The following LRRC37A2 variants were observed in gnomAD, a reference collection of about 807,000 sequenced individuals.
The protein encoded by LRRC37A2 is leucine-rich repeat-containing protein 37A2.
In LRRC37A2, 9 loss-of-function variants were observed where a neutral mutation model predicts 68.8. The ratio of observed to expected loss-of-function variants is 0.13; its 90% confidence interval spans 0.08 to 0.23. The LOEUF (loss-of-function observed/expected upper bound fraction) is 0.23, where lower values mean the gene tolerates loss of function less well. LRRC37A2 is among the 10% of genes least tolerant of loss of function. The pLI, the probability that LRRC37A2 is intolerant of heterozygous loss-of-function variation, is 1.00. For synonymous variants in LRRC37A2, 63 were observed against 367.6 expected, an observed-to-expected ratio of 0.17 and a Z score of 9.48; for missense variants, 168 against 950.4, an observed-to-expected ratio of 0.18 and a Z score of 10.82.
chr17:46,829,193 G>A, the LRRC37A2 span, among the ~76,000 whole-genome samples: 1 of 151,846 alleles, frequency 6.6e-6, no homozygotes, highest in Admixed American at 6.6e-5. Flanking sequence ...TTTAGACAGA[G>A]TTTCACTCTT....
chr17:46,876,396 C>T, the LRRC37A2 span: 6 of 1,613,802 alleles, frequency 3.7e-6, no homozygotes, highest in Admixed American at 3.3e-5. Flanking sequence ...GTGTCCAGTG[C>T]CACCAATGAG....
chr17:47,009,857 A>G, the LRRC37A2 span, among the ~76,000 whole-genome samples: 1 of 152,240 alleles, frequency 6.6e-6, no homozygotes, highest in African/African-American at 2.4e-5. Context: ...AGAGTGGGCC[A>G]GCAGTAACAA....
At chr17:46,930,667 T>A in the LRRC37A2 span, 8 of 146,692 alleles carry the variant, frequency 5.5e-5, no homozygotes, top group Non-Finnish European at 7.4e-5. Flanking sequence ...TTTTTTTAAA[T>A]AAAAAAAAAA....
At chr17:46,475,823 A>C in the LRRC37A2 span, among the ~76,000 whole-genome samples, 4 of 92,634 alleles carry the variant, frequency 4.3e-5, no homozygotes, top group South Asian at 5.1e-4. Context: ...AAAAAAAAAA[A>C]AAAACACCCT....
the LRRC37A2 span, among the ~76,000 whole-genome samples, chr17:46,440,526 G>A: frequency 4.9e-4 from 8 of 16,484 alleles, no homozygotes; most frequent in South Asian, 7.4e-3. Context: ...GAGTGCAGTC[G>A]TGTGATCTCA....
At chr17:47,010,979 T>A in the LRRC37A2 span, among the ~76,000 whole-genome samples, 1 of 152,126 alleles carries the variant, frequency 6.6e-6, no homozygotes, top group African/African-American at 2.4e-5. Flanking sequence ...TTTGCTAAAT[T>A]TTATCAGCTC....
chr17:46,900,166 TAC>T, the LRRC37A2 span, among the ~76,000 whole-genome samples: 4,833 of 20,616 alleles, frequency 0.23, 107 homozygotes, highest in Middle Eastern at 0.38. Flanking sequence ...TATATACATA[TAC>T]ATATATATAT....
chr17:46,580,400 T>C, the LRRC37A2 span, among the ~76,000 whole-genome samples: 1 of 151,040 alleles, frequency 6.6e-6, no homozygotes, highest in Non-Finnish European at 1.5e-5. Flanking sequence ...AAACATCTAT[T>C]AAACATATAC....
the LRRC37A2 span, among the ~76,000 whole-genome samples, chr17:46,828,228 A>G: frequency 6.7e-6 from 1 of 149,768 alleles, no homozygotes; most frequent in East Asian, 2.0e-4. Context: ...ACAGCGTCTC[A>G]CTCTGTCACT....
chr17:46,969,813 G>A, the LRRC37A2 span, among the ~76,000 whole-genome samples: 4 of 152,266 alleles, frequency 2.6e-5, no homozygotes, highest in South Asian at 8.3e-4. Flanking sequence ...AAGGCATGAG[G>A]TCCCCCAACT....
At chr17:46,767,931 G>C in the LRRC37A2 span, among the ~76,000 whole-genome samples, 1 of 152,112 alleles carries the variant, frequency 6.6e-6, no homozygotes, top group African/African-American at 2.4e-5. Context: ...TGGGATTACA[G>C]GCACCTGCCA....
chr17:46,497,701 TATGTAGATGTATATCTACATAC>T, the LRRC37A2 span, among the ~76,000 whole-genome samples: 1 of 149,108 alleles, frequency 6.7e-6, no homozygotes, highest in African/African-American at 2.6e-5. Flanking sequence ...ATTGTGTATG[TATGTAGATGTATATCTACATAC>T]ATTGAAAGAT....
At chr17:46,869,756 TG>T in the LRRC37A2 span, among the ~76,000 whole-genome samples, 1,355 of 152,266 alleles carry the variant, frequency 8.9e-3, 9 homozygotes, top group Middle Eastern at 0.031. Context: ...TCCAGCACTC[TG>T]GGAGGCTGAG....
chr17:46,781,128 T>A, the LRRC37A2 span, among the ~76,000 whole-genome samples: 2 of 151,610 alleles, frequency 1.3e-5, no homozygotes, highest in Non-Finnish European at 2.9e-5. Context: ...CTCAGGAGGC[T>A]GAGACAGGAG....
At chr17:46,971,699 A>G in the LRRC37A2 span, among the ~76,000 whole-genome samples, 1 of 152,196 alleles carries the variant, frequency 6.6e-6, no homozygotes, top group Non-Finnish European at 1.5e-5. Flanking sequence ...ACTTTCTCTG[A>G]TGACTGGAAA....
chr17:46,709,587 C>T, the LRRC37A2 span, among the ~76,000 whole-genome samples: 12 of 151,902 alleles, frequency 7.9e-5, no homozygotes, highest in African/African-American at 2.9e-4. Context: ...CTCCGCCTCC[C>T]GGGTTCAAGC....
At chr17:46,736,792 C>T in the LRRC37A2 span, among the ~76,000 whole-genome samples, 1 of 152,262 alleles carries the variant, frequency 6.6e-6, no homozygotes, top group East Asian at 1.9e-4. Context: ...CTTTTTATGA[C>T]TTAAGATTTA....
chr17:46,844,530 G>C, the LRRC37A2 span, among the ~76,000 whole-genome samples: 1 of 152,026 alleles, frequency 6.6e-6, no homozygotes, highest in Non-Finnish European at 1.5e-5. Flanking sequence ...CTGATAATAT[G>C]ACCTGGAGGA....
the LRRC37A2 span, among the ~76,000 whole-genome samples, chr17:46,765,366 C>T: frequency 3.3e-5 from 5 of 152,148 alleles, no homozygotes; most frequent in African/African-American, 4.8e-5. Flanking sequence ...AGCAGAGTGA[C>T]GAGGAATAAA....
Sources: gnomAD v4.1 joint callset for allele counts (sites outside exome capture counted in the v4.1 genomes callset) on GRCh38, gnomAD v4.1.1 for gene constraint, MANE v1.5 for transcripts, NCBI Gene and HGNC (gene_info 2026-07-23, HGNC 2026-07-21) for gene names.